Variants in NPAS3 observed in about 807,000 individuals in gnomAD.
NPAS3 encodes the protein neuronal PAS domain-containing protein 3.
A neutral mutation model predicts 73.1 loss-of-function variants in NPAS3; 14 were observed. The ratio of observed to expected loss-of-function variants is 0.19; its 90% CI spans 0.13 to 0.30. The LOEUF (loss-of-function observed/expected upper bound fraction) is 0.30, where lower values mean the gene tolerates loss of function less well. Among genes scored for constraint, NPAS3 ranks in the 10% least tolerant of loss-of-function variants. The pLI is 1.00. For synonymous variants in NPAS3, 620 were observed against 541.5 expected (o/e 1.14, Z -2.01); for missense variants, 1,096 against 1,250.0 (o/e 0.88, Z 1.86).
At chr14:33,051,694 G>A (rs1055153238) in intron 1 of NPAS3, among the ~76,000 whole-genome samples, 1 of 152,162 alleles carries the variant, frequency 6.6e-6, no homozygotes, top group Non-Finnish European at 1.5e-5. Flanking sequence ...CCTCAAAGAG[G>A]TGAAAACTAA....
chr14:33,024,420 T>C (rs573016208), intron 1 of NPAS3, among the ~76,000 whole-genome samples: 4 of 152,214 alleles, frequency 2.6e-5, no homozygotes, highest in African/African-American at 9.6e-5. Context: ...TCCGCCTGCC[T>C]CGGCCTCCCA....
At chr14:33,502,464 C>T (rs919256058) in intron 4 of NPAS3, among the ~76,000 whole-genome samples, 2 of 151,920 alleles carry the variant, frequency 1.3e-5, no homozygotes, top group African/African-American at 2.4e-5. Flanking sequence ...CCGACTTCTG[C>T]TCTCTGTTCA....
At chr14:33,775,316 G>A (rs2062778362) in intron 8 of NPAS3, among the ~76,000 whole-genome samples, 1 of 152,126 alleles carries the variant, frequency 6.6e-6, no homozygotes, top group African/African-American at 2.4e-5. Context: ...AAGCTCTGGC[G>A]ATACTATCCT....
At chr14:33,113,591 TA>T (rs1375667304) in intron 2 of NPAS3, among the ~76,000 whole-genome samples, 2 of 152,158 alleles carry the variant, frequency 1.3e-5, no homozygotes, top group African/African-American at 4.8e-5. Flanking sequence ...GTTTTCTAAA[TA>T]TACAATCATG....
At chr14:33,406,585 C>G (rs1251115911) in intron 4 of NPAS3, among the ~76,000 whole-genome samples, 1 of 152,110 alleles carries the variant, frequency 6.6e-6, no homozygotes, top group East Asian at 1.9e-4. Flanking sequence ...ATTCATGCCT[C>G]CACCTTTACC....
chr14:33,696,251 T>G (rs1429923717), intron 6 of NPAS3, among the ~76,000 whole-genome samples: 1 of 152,216 alleles, frequency 6.6e-6, no homozygotes, highest in South Asian at 2.1e-4. Context: ...AATGAAATCC[T>G]TTAATGAGAC....
chr14:33,705,527 T>C (rs1394124476), intron 6 of NPAS3, among the ~76,000 whole-genome samples: 1 of 152,210 alleles, frequency 6.6e-6, no homozygotes, highest in Non-Finnish European at 1.5e-5. Flanking sequence ...TGAAAAAGAC[T>C]TTCTTTTGTT....
chr14:33,022,107 T>A (rs1316716857), intron 1 of NPAS3, among the ~76,000 whole-genome samples: 1 of 152,192 alleles, frequency 6.6e-6, no homozygotes, highest in Non-Finnish European at 1.5e-5. Context: ...GCTCACCTAC[T>A]GCATGTTGAA....
chr14:33,292,396 A>C (rs1267277601), intron 3 of NPAS3, among the ~76,000 whole-genome samples: 1 of 152,148 alleles, frequency 6.6e-6, no homozygotes, highest in African/African-American at 2.4e-5. Flanking sequence ...TGGACACGTG[A>C]ACTCCCTTCA....
At chr14:33,774,762 T>C (rs962731246) in intron 8 of NPAS3, among the ~76,000 whole-genome samples, 7 of 152,198 alleles carry the variant, frequency 4.6e-5, no homozygotes, top group Non-Finnish European at 8.8e-5. Context: ...CAGACATCCA[T>C]ATGCTATAAA....
At chr14:33,794,780 T>G (rs902290040) in intron 10 of NPAS3, among the ~76,000 whole-genome samples, 2 of 152,124 alleles carry the variant, frequency 1.3e-5, no homozygotes, top group Non-Finnish European at 2.9e-5. Flanking sequence ...GCCTTTGGAT[T>G]CAAACTAGCA....
chr14:33,103,285 A>C (rs2042630439), intron 2 of NPAS3, among the ~76,000 whole-genome samples: 1 of 152,184 alleles, frequency 6.6e-6, no homozygotes, highest in Non-Finnish European at 1.5e-5. Context: ...TGGTGGTCTC[A>C]GAGCCCACTG....
At chr14:33,339,890 C>G (rs2044392958) in intron 3 of NPAS3, among the ~76,000 whole-genome samples, 3 of 152,020 alleles carry the variant, frequency 2.0e-5, no homozygotes, top group Admixed American at 1.3e-4. Context: ...ATATATGACA[C>G]ATAAAATATA....
At chr14:33,486,626 G>A (rs1262578429) in intron 4 of NPAS3, among the ~76,000 whole-genome samples, 1 of 152,104 alleles carries the variant, frequency 6.6e-6, no homozygotes, top group Admixed American at 6.5e-5. Context: ...AAGCAGTCTT[G>A]CTTGACTAGA....
At chr14:32,945,337 A>G (rs1313070917) in intron 1 of NPAS3, among the ~76,000 whole-genome samples, 3 of 152,188 alleles carry the variant, frequency 2.0e-5, no homozygotes, top group African/African-American at 7.2e-5. Flanking sequence ...ATGGGATTTA[A>G]AAATAAAAAT....
At chr14:33,776,473 T>A (rs1019389484) in intron 8 of NPAS3, among the ~76,000 whole-genome samples, 1 of 133,482 alleles carries the variant, frequency 7.5e-6, no homozygotes, top group Non-Finnish European at 1.5e-5. Context: ...GCCACTCTAG[T>A]AATTGAGATC....
chr14:33,801,979 A>G (rs2063725021), downstream of NPAS3: 1 of 152,140 alleles, frequency 6.6e-6, no homozygotes, highest in South Asian at 2.1e-4. Context: ...TTACCTCCCA[A>G]CTAACAAACA....
chr14:33,022,789 G>T (rs552925299), intron 1 of NPAS3, among the ~76,000 whole-genome samples: 1 of 151,572 alleles, frequency 6.6e-6, no homozygotes, highest in South Asian at 2.1e-4. Context: ...ATATTTAAAA[G>T]GATAAATAAT....
Position 33,175,481 on chromosome 14 carries a change from G to A in NPAS3, c.141-39701G>A, listed in dbSNP as rs1595610638. Among the ~76,000 whole-genome samples the A allele has an allele frequency of 2.0e-5, 3 of 152,258 alleles. No individual in the cohort carries two copies. In the East Asian group the frequency reaches 5.8e-4, roughly 29 times the overall value. ...CAAAAGGAAACAAAATAAAATGGAA[G>A]CGGTGTTTAAATGATTTTTATTCAT... On this transcript the variant is annotated intron_variant, in intron 2 of 11. Transcript: ENST00000356141.
Sources: allele counts gnomAD v4.1 joint callset (sites outside exome capture counted in the v4.1 genomes callset), GRCh38; gene constraint gnomAD v4.1.1; transcripts MANE v1.5; gene names NCBI Gene and HGNC (gene_info 2026-07-23, HGNC 2026-07-21).